PBRM1: variants seen among roughly 807,000 people sequenced by gnomAD.
PBRM1 encodes the protein protein polybromo-1.
PBRM1 carries 27 observed loss-of-function variants against 194.5 expected under a neutral mutation model. That is an observed-to-expected ratio of 0.14 (90% CI 0.10 to 0.19). PBRM1 has a LOEUF of 0.19. Ranked by LOEUF, PBRM1 falls within the 10% of genes least tolerant of loss-of-function variation. The pLI is 1.00. For synonymous variants in PBRM1, 655 were observed against 693.2 expected, an observed-to-expected ratio of 0.94 and a Z score of 0.87; for missense variants, 1,466 against 2,077.2, an observed-to-expected ratio of 0.71 and a Z score of 5.72.
chr3:52,599,652 A>G (rs1455493946), intron 17 of PBRM1, among the ~76,000 whole-genome samples: 1 of 119,530 alleles, frequency 8.4e-6, no homozygotes, highest in African/African-American at 3.2e-5. Flanking sequence ...TCTACTAAAA[A>G]TACAAAAAAA....
chr3:52,571,854 CCCAAAAAAAAAA>C (rs1268515112), intron 22 of PBRM1, among the ~76,000 whole-genome samples: 3,874 of 36,550 alleles, frequency 0.11, 344 homozygotes, highest in African/African-American at 0.3. Context: ...ACCTCATCTC[CCCAAAAAAAAAA>C]AAAAAAAAAA....
chr3:52,584,004 C>A (rs1026757383), intron 20 of PBRM1, among the ~76,000 whole-genome samples: 1 of 152,044 alleles, frequency 6.6e-6, no homozygotes, highest in Non-Finnish European at 1.5e-5. Flanking sequence ...GGGCAAAGTT[C>A]TAATTTTTAA....
upstream of PBRM1, chr3:52,681,789 G>A: frequency 1.2e-6 from 1 of 860,772 alleles, no homozygotes; most frequent in Non-Finnish European, 1.4e-6. Flanking sequence ...AAGGGCTTTA[G>A]AAGTGCTGAT....
chr3:52,608,112 G>A (rs1187082129), intron 16 of PBRM1, among the ~76,000 whole-genome samples: 1 of 151,300 alleles, frequency 6.6e-6, no homozygotes, highest in Non-Finnish European at 1.5e-5. Context: ...CTCATGTGTG[G>A]AATTATTTTT....
intron 15 of PBRM1, 134 bp from the exon 18 acceptor site, chr3:52,610,089 T>C (rs971545971): frequency 9.5e-6 from 5 of 525,028 alleles, no homozygotes; most frequent in East Asian, 3.2e-5. Context: ...TAGTGAAATA[T>C]AACCTGCAGA....
intron 15 of PBRM1, 144 bp downstream of exon 17, chr3:52,615,207 G>T (rs929407366): frequency 2.6e-5 from 14 of 546,684 alleles, no homozygotes; most frequent in African/African-American, 2.4e-4. Flanking sequence ...CAGTAAATGA[G>T]AGGGCTTGAC....
rs368166753 is a variant in PBRM1 at position 52,600,602 on chromosome 3, T to C, written c.2779+2919A>G. On this transcript the variant is annotated intron_variant, in intron 17 of 29. Transcript: ENST00000296302. ...ATTTCTTTGTAATGTTTCTAAGAAT[T>C]ATCTTGTATCAAACTTTGAATTATT... Among the ~76,000 whole-genome samples, 5 of 152,314 alleles carry C rather than the reference T, an allele frequency of 3.3e-5. No homozygotes were observed. In the South Asian group the frequency reaches 1.0e-3, roughly 32 times the overall value.
chr3:52,588,947 A>G, intron 18 of PBRM1, 123 bp downstream of exon 20: 2 of 682,590 alleles, frequency 2.9e-6, no homozygotes, highest in Non-Finnish European at 5.2e-6. Flanking sequence ...ATTTATTGAC[A>G]TATTGAACAA....
At chr3:52,595,574 T>G (rs368666723) in intron 17 of PBRM1, among the ~76,000 whole-genome samples, 4 of 152,372 alleles carry the variant, frequency 2.6e-5, no homozygotes, top group African/African-American at 9.6e-5. Flanking sequence ...TTCTGGTAAC[T>G]AATCCATTGT....
In PBRM1 at chr3:52,642,043, T is replaced by C. The variant is rs547790173; in HGVS notation, c.998A>G (p.Asn333Ser). 82 of 1,513,016 alleles carry C rather than the reference T, an allele frequency of 5.4e-5. No homozygotes were observed. The Admixed American group carries it at 1.4e-3, about 26-fold the overall frequency. 93.7% of individuals were successfully genotyped at this position (1,513,016 alleles called of 1,614,324 possible). A position where few individuals can be genotyped will look rare whatever the true frequency, so the allele number is the denominator to read the frequency against. ...ACGACCTCCTTGTACTGCTCTTTTA[T>C]TACTACAAAAAAAAAAAAAGCAATT... Residue 333 changes from asparagine to serine, a missense_variant and splice_region_variant, in exon 10 of 30, where the codon AAT (asparagine) becomes AGT (serine). Physicochemically the swap from Asn to Ser is conservative, Grantham distance 46 (BLOSUM62 1). Around this residue, in one of 5 missense-constraint regions of PBRM1, gnomAD observed 457 missense variants for 591.6 expected, o/e 0.77. Transcript: ENST00000296302.
At chr3:52,646,878 A>C (rs1309660295) in intron 7 of PBRM1, among the ~76,000 whole-genome samples, 1 of 152,222 alleles carries the variant, frequency 6.6e-6, no homozygotes, top group Admixed American at 6.5e-5. Flanking sequence ...ATGACACTTA[A>C]GCATTAGCAA....
Position 52,554,886 on chromosome 3 carries a change from G to A in PBRM1, c.4454-7C>T. 6.2e-7 allele frequency: 1 copy of A among 1,605,260 alleles called. No individual in the cohort carries two copies. The highest frequency in any genetic ancestry group is 8.5e-7 in the Non-Finnish European group (1 of 1,177,092). On this transcript the variant is annotated splice_region_variant and splice_polypyrimidine_tract_variant and intron_variant, in intron 26 of 29. Coordinates refer to ENST00000296302, the Ensembl canonical transcript of PBRM1. ...GGATAGCCACCCATCATGCCTTGAA[G>A]GACACAACAAATTTCAGACATGCAT...
intron 10 of PBRM1, among the ~76,000 whole-genome samples, chr3:52,640,794 T>C (rs1320640400): frequency 2.0e-5 from 3 of 151,742 alleles, no homozygotes; most frequent in African/African-American, 7.3e-5. Flanking sequence ...CGCTCCACCA[T>C]ACCTGGCCAA....
At chr3:52,628,720 C>T (rs978763327) in intron 12 of PBRM1, among the ~76,000 whole-genome samples, 174 bp downstream of exon 13, 3 of 152,048 alleles carry the variant, frequency 2.0e-5, no homozygotes, top group African/African-American at 7.2e-5. Context: ...GATTCTCTCA[C>T]CTTGACCTCC....
chr3:52,643,237 CTT>C lies in PBRM1; in HGVS notation c.995+9_995+10del. 6.3e-7 allele frequency: 1 copy of C among 1,587,918 alleles called. No individual in the cohort carries two copies. The highest frequency in any genetic ancestry group is 8.6e-7 in the Non-Finnish European group (1 of 1,156,144). On this transcript the variant is annotated intron_variant, in intron 9 of 29. Coordinates refer to ENST00000296302, the Ensembl canonical transcript of PBRM1. ...CAGGTCAACTCTCAGACTAAACACT[CTT>C]TTTCTCACCGGTAATACTTGCTAGT...
At chr3:52,666,237 G>A (rs1488070953) in intron 3 of PBRM1, among the ~76,000 whole-genome samples, 3 of 152,136 alleles carry the variant, frequency 2.0e-5, no homozygotes, top group African/African-American at 7.2e-5. Flanking sequence ...GCAACTTAAT[G>A]AGACCTCATC....
chr3:52,640,934 C>T (rs1409370225), intron 10 of PBRM1, among the ~76,000 whole-genome samples: 1 of 152,110 alleles, frequency 6.6e-6, no homozygotes, highest in Non-Finnish European at 1.5e-5. Context: ...CCACTATGCC[C>T]GGCCGTGTGT....
At chr3:52,585,181 T>C (rs1165119554) in intron 20 of PBRM1, among the ~76,000 whole-genome samples, 1 of 152,164 alleles carries the variant, frequency 6.6e-6, no homozygotes, top group Middle Eastern at 3.2e-3. Context: ...TAAGACTGAG[T>C]TGCAGTTTTT....
At chr3:52,642,079 G>T (rs2153709136) in intron 9 of PBRM1, 34 bp from the exon 11 acceptor site, 1 of 1,083,288 alleles carries the variant, frequency 9.2e-7, no homozygotes, top group Non-Finnish European at 1.4e-6. Context: ...AGACAGGGAA[G>T]GATGTTATAA....
Sources: gnomAD v4.1 joint callset for allele counts (sites outside exome capture counted in the v4.1 genomes callset) on GRCh38, gnomAD v4.1.1 for gene constraint, gnomAD v4.1.1 regional missense constraint, MANE v1.5 for transcripts, NCBI Gene and HGNC (gene_info 2026-07-23, HGNC 2026-07-21) for gene names.